The following ASCC3 variants were observed in gnomAD, a reference collection of about 807,000 sequenced individuals.
ASCC3 encodes the protein activating signal cointegrator 1 complex subunit 3.
Under a neutral mutation model 256.3 loss-of-function variants are expected in ASCC3, and 158 were observed. That is an observed-to-expected ratio of 0.62 (90% CI 0.54 to 0.70). The LOEUF is 0.70. Ranked by LOEUF, ASCC3 falls within the 30% of genes least tolerant of loss-of-function variation. The pLI, the probability that ASCC3 is intolerant of heterozygous loss-of-function variation, is 0.00. For missense variants in ASCC3, 2,259 were observed against 2,626.0 expected (o/e 0.86, Z 3.05); for synonymous variants, 948 against 883.4 (o/e 1.07, Z -1.30).
intron 3 of ASCC3, among the ~76,000 whole-genome samples, chr6:100,849,846 T>A (rs968856562): frequency 3.9e-5 from 6 of 152,058 alleles, no homozygotes; most frequent in Admixed American, 6.5e-5. Context: ...CCGCCTGTAA[T>A]CCCAGCACTT....
At chr6:100,750,696 T>C (rs1051731159) in intron 10 of ASCC3, among the ~76,000 whole-genome samples, 4 of 152,042 alleles carry the variant, frequency 2.6e-5, no homozygotes, top group Admixed American at 2.6e-4. Flanking sequence ...TCTGTGGCAC[T>C]GAATACCTAG....
rs552237004 is a variant in ASCC3, at chr6:100,589,923, T to C, written c.5415+25A>G. The C allele has an allele frequency of 3.5e-5, 56 of 1,595,630 alleles. 1 individual carries two copies. The South Asian group carries it at 4.9e-4, about 14-fold the overall frequency. On this transcript the variant is annotated intron_variant, in intron 35 of 41. Transcript: ENST00000369162. ...CAAAAAGCTGGGCAATCTTTTCAATTAGAATGCATATGACTAAGTCATACC... is the reference window on the plus strand; with the variant it reads ...CAAAAAGCTGGGCAATCTTTTCAATCAGAATGCATATGACTAAGTCATACC...
intron 11 of ASCC3, among the ~76,000 whole-genome samples, chr6:100,720,237 T>C (rs1562248152): frequency 1.3e-5 from 2 of 151,910 alleles, no homozygotes; most frequent in Non-Finnish European, 2.9e-5. Context: ...GGCATTTAGA[T>C]GAAGACAGAA....
Position 100,682,184 on chromosome 6 carries a change from A to G in ASCC3, c.2152-2432T>C, listed in dbSNP as rs538885409. 2.0e-5 allele frequency among the ~76,000 whole-genome samples: 3 copies of G among 152,084 alleles called. No individual in the cohort carries two copies. The East Asian group carries it at 5.8e-4, about 29-fold the overall frequency. On this transcript the variant is annotated intron_variant, in intron 13 of 41. Coordinates refer to ENST00000369162, the MANE Select transcript of ASCC3 (RefSeq NM_006828.4). ...TCATTAACCCCCAAATTAAATTGTAAGAAAATCGGAATTAAAATGAAGTTT... is the reference window on the plus strand; with the variant it reads ...TCATTAACCCCCAAATTAAATTGTAGGAAAATCGGAATTAAAATGAAGTTT...
At chr6:100,788,784 A>G (rs1769212630) in intron 8 of ASCC3, among the ~76,000 whole-genome samples, 1 of 152,040 alleles carries the variant, frequency 6.6e-6, no homozygotes, top group South Asian at 2.1e-4. Flanking sequence ...ATTTTATGAT[A>G]CTTATATGAC....
chr6:100,617,099 G>A (rs1162536605), intron 30 of ASCC3, among the ~76,000 whole-genome samples: 1 of 151,962 alleles, frequency 6.6e-6, no homozygotes, highest in Non-Finnish European at 1.5e-5. Flanking sequence ...CTGCCTCCTG[G>A]GTTCAAACAA....
At chr6:100,690,836 G>A (rs1777808867) in intron 13 of ASCC3, among the ~76,000 whole-genome samples, 1 of 152,070 alleles carries the variant, frequency 6.6e-6, no homozygotes, top group African/African-American at 2.4e-5. Flanking sequence ...GCCAGCTCAG[G>A]ACTCTCATGC....
Position 100,530,483 on chromosome 6 carries a change from C to A in ASCC3, c.5775+9680G>T, listed in dbSNP as rs1370284045. ...AAAGGAAGAAGTTAGAACAACTGTA[C>A]AATAGAGACAAAGATCCTCAAAATG... On this transcript the variant is annotated intron_variant, in intron 37 of 41. Coordinates refer to ENST00000369162, the MANE Select transcript of ASCC3 (RefSeq NM_006828.4). The A allele has an allele frequency of 7.6e-6, 6 of 790,528 alleles. No homozygotes were observed. The Admixed American group carries it at 1.0e-4, about 14-fold the overall frequency. The allele number at this position is 790,528 out of a possible 1,614,324, so 49.0% of individuals were successfully genotyped here.
intron 13 of ASCC3, among the ~76,000 whole-genome samples, chr6:100,687,422 C>T (rs927946052): frequency 1.3e-4 from 20 of 152,000 alleles, no homozygotes; most frequent in Admixed American, 1.2e-3. Context: ...AGTGCAGTGG[C>T]GTGATCTCAG....
At position 100,772,311 on chromosome 6, in the gene ASCC3, C is replaced by T. The variant is rs138381039; in HGVS notation, c.1396-4966G>A. 5.2e-4 allele frequency among the ~76,000 whole-genome samples: 79 copies of T among 152,148 alleles called. 1 individual carries two copies. Among genetic ancestry groups the T allele is most frequent in the Non-Finnish European group, 9.3e-4 (63 of 68,016 alleles). The stretch of plus-strand genomic sequence containing the variant: ...CCTAACATACCCCTTTGAGGCTCTA[C>T]CCAAGAGAAAAAGAAGTACATGTAC... On this transcript the variant is annotated intron_variant, in intron 8 of 41. Transcript: ENST00000369162.
chr6:100,550,318 G>A (rs887362306), intron 36 of ASCC3, among the ~76,000 whole-genome samples: 4 of 151,744 alleles, frequency 2.6e-5, no homozygotes, highest in Non-Finnish European at 4.4e-5. Flanking sequence ...CTAATTAATA[G>A]TATTATCTAT....
intron 1 of ASCC3, among the ~76,000 whole-genome samples, chr6:100,880,662 G>T (rs1476581973): frequency 6.6e-6 from 1 of 152,070 alleles, no homozygotes; most frequent in Admixed American, 6.5e-5. Context: ...CCAGTGTGTT[G>T]GGGGAAAAAT....
At chr6:100,686,882 T>A (rs1398608609) in intron 13 of ASCC3, among the ~76,000 whole-genome samples, 2 of 152,160 alleles carry the variant, frequency 1.3e-5, no homozygotes, top group African/African-American at 2.4e-5. Flanking sequence ...CCTTTTTGTA[T>A]ATGAAAGATA....
At position 100,799,578 on chromosome 6, in the gene ASCC3, A is replaced by C. The variant is rs1739249599; in HGVS notation, c.1128-6T>G. On this transcript the variant is annotated splice_polypyrimidine_tract_variant and splice_region_variant and intron_variant, in intron 6 of 41. Coordinates refer to ENST00000369162, the MANE Select transcript of ASCC3 (RefSeq NM_006828.4). ...CATTCAGAAGTGCCTGTTCTCTGTAAACATAAAAATAGGCCTAATTTGAAA... is the reference window on the plus strand; with the variant it reads ...CATTCAGAAGTGCCTGTTCTCTGTACACATAAAAATAGGCCTAATTTGAAA... 1 of 1,611,238 alleles carries C rather than the reference A, an allele frequency of 6.2e-7. No homozygotes were observed. The highest frequency in any genetic ancestry group is 8.5e-7 in the Non-Finnish European group (1 of 1,178,976).
intron 22 of ASCC3, among the ~76,000 whole-genome samples, chr6:100,646,141 T>C (rs146679266): frequency 3.9e-4 from 60 of 152,166 alleles, no homozygotes; most frequent in African/African-American, 1.2e-3. Context: ...TAAAAGAAGA[T>C]AGAACTAATA....
At chr6:100,515,791 A>G (rs1246695689) in intron 39 of ASCC3, among the ~76,000 whole-genome samples, 1 of 152,196 alleles carries the variant, frequency 6.6e-6, no homozygotes, top group African/African-American at 2.4e-5. Context: ...GAGAGGGAGT[A>G]GAAGGCTAGG....
intron 30 of ASCC3, among the ~76,000 whole-genome samples, chr6:100,621,763 G>A (rs772921844): frequency 7.2e-5 from 11 of 152,138 alleles, no homozygotes; most frequent in South Asian, 4.1e-4. Context: ...AATAGAAATC[G>A]TTCTATTATA....
chr6:100,721,289 G>C (rs985124032), intron 11 of ASCC3, among the ~76,000 whole-genome samples: 2 of 151,770 alleles, frequency 1.3e-5, no homozygotes, highest in African/African-American at 4.8e-5. Flanking sequence ...ATCTTTGCTG[G>C]ATGGACATGG....
At chr6:100,546,435 C>T (rs553795696) in intron 36 of ASCC3, among the ~76,000 whole-genome samples, 1 of 152,038 alleles carries the variant, frequency 6.6e-6, no homozygotes, top group Non-Finnish European at 1.5e-5. Flanking sequence ...GATAAAAAGA[C>T]CAACGTTGAA....
Sources: allele counts gnomAD v4.1 joint callset (sites outside exome capture counted in the v4.1 genomes callset), GRCh38; gene constraint gnomAD v4.1.1; transcripts MANE v1.5; gene names NCBI Gene and HGNC (gene_info 2026-07-23, HGNC 2026-07-21).